Variants in SLC38A6 observed in about 807,000 individuals in gnomAD.
The protein encoded by SLC38A6 is N system amino acid transporter NAT-1.
SLC38A6 carries 73 observed loss-of-function variants against 65.0 expected under a neutral mutation model. The observed-to-expected ratio is 1.12, with a 90% CI of 0.93 to 1.37. The LOEUF (loss-of-function observed/expected upper bound fraction) is 1.37, where lower values mean the gene tolerates loss of function less well. Among genes scored for constraint, SLC38A6 ranks in the 40% most tolerant of loss-of-function variants. The probability of loss-of-function intolerance (pLI) is 0.00; values close to 1 mark genes in which losing one functional copy is unlikely to be tolerated. For missense variants in SLC38A6, 561 were observed against 531.1 expected, an observed-to-expected ratio of 1.06 and a Z score of -0.55; for synonymous variants, 183 against 178.8, an observed-to-expected ratio of 1.02 and a Z score of -0.19.
chr14:61,073,605 C>G (rs1438506687), intron 15 of SLC38A6, among the ~76,000 whole-genome samples: 1 of 152,094 alleles, frequency 6.6e-6, no homozygotes, highest in Non-Finnish European at 1.5e-5. Flanking sequence ...AATGGAAAGG[C>G]TCTCCTCTGT....
At chr14:61,013,587 C>G (rs1015412637) in intron 3 of SLC38A6, among the ~76,000 whole-genome samples, 2 of 152,190 alleles carry the variant, frequency 1.3e-5, no homozygotes, top group East Asian at 3.8e-4. Context: ...CTGGTGATGA[C>G]AAAATCTCTC....
intron 8 of SLC38A6, among the ~76,000 whole-genome samples, chr14:61,041,476 C>T (rs962687086): frequency 2.0e-5 from 3 of 152,118 alleles, no homozygotes; most frequent in Non-Finnish European, 4.4e-5. Flanking sequence ...GATTTGAAAG[C>T]TTAAGAAATA....
At chr14:61,076,772 C>T (rs2043434983) in intron 15 of SLC38A6, among the ~76,000 whole-genome samples, 1 of 152,166 alleles carries the variant, frequency 6.6e-6, no homozygotes, top group Non-Finnish European at 1.5e-5. Flanking sequence ...TGGTTCATTG[C>T]CACAGCACTG....
At position 61,045,378 on chromosome 14, in the gene SLC38A6, A is replaced by G; in HGVS notation, c.777A>G (p.Ser259=). The stretch of plus-strand genomic sequence containing the variant: ...ATGCCTTACCAACCATGGCTTTTTC[A>G]TTTCTCTGCCATACCTCAATATTGC... ...SAYALPTMAF[S]FLCHTSILPI... is the part of the protein sequence containing the mutation. Residue 259 remains serine (S), a synonymous_variant, in exon 11 of 16, where the codon TCA becomes TCG. Coordinates refer to ENST00000267488, the MANE Select transcript of SLC38A6 (RefSeq NM_153811.3). The G allele has an allele frequency of 1.9e-6, 3 of 1,613,590 alleles. No individual in the cohort carries two copies. Among genetic ancestry groups the G allele is most frequent in the Non-Finnish European group, 2.5e-6 (3 of 1,179,802 alleles).
chr14:61,060,942 C>T (rs189448706), intron 15 of SLC38A6, among the ~76,000 whole-genome samples: 5 of 150,480 alleles, frequency 3.3e-5, no homozygotes, highest in South Asian at 4.2e-4. Flanking sequence ...TGACCCCTTG[C>T]GCTTCCCAGG....
intron 15 of SLC38A6, among the ~76,000 whole-genome samples, chr14:61,070,150 C>T (rs1400682961): frequency 6.6e-6 from 1 of 152,164 alleles, no homozygotes; most frequent in Non-Finnish European, 1.5e-5. Context: ...TAGTAGATAC[C>T]TAAAACTTTT....
intron 3 of SLC38A6, among the ~76,000 whole-genome samples, chr14:61,001,870 C>G (rs954584481): frequency 6.6e-6 from 1 of 152,122 alleles, no homozygotes; most frequent in African/African-American, 2.4e-5. Flanking sequence ...CAACTTTAGT[C>G]AGTATCTTTT....
intron 5 of SLC38A6, among the ~76,000 whole-genome samples, chr14:61,025,105 C>T (rs1411299188): frequency 6.6e-6 from 1 of 152,194 alleles, no homozygotes; most frequent in East Asian, 1.9e-4. Context: ...AGAATCCACA[C>T]ACCTTACTCT....
intron 4 of SLC38A6, 52 bp from the exon 5 acceptor site, chr14:61,019,488 TC>T: frequency 6.4e-7 from 1 of 1,559,516 alleles, no homozygotes; most frequent in Non-Finnish European, 8.8e-7. Flanking sequence ...AAAATACTGA[TC>T]CTTTTATATT....
chr14:61,000,612 A>G (rs761630999), intron 3 of SLC38A6, among the ~76,000 whole-genome samples: 1 of 152,198 alleles, frequency 6.6e-6, no homozygotes, highest in Non-Finnish European at 1.5e-5. Flanking sequence ...AGCCTGGGCG[A>G]CAAGAGTGAA....
chr14:61,019,723 T>C, intron 5 of SLC38A6, 143 bp downstream of exon 5: 2 of 742,160 alleles, frequency 2.7e-6, no homozygotes, highest in Non-Finnish European at 4.4e-6. Context: ...CTTTACTCTT[T>C]TTTTTTTTGG....
chr14:60,981,327 C>G lies in SLC38A6; in HGVS notation c.50C>G (p.Ser17Cys), dbSNP rs2036992693. ...SFNAERGWYV[S>C]VQQPEEAEAE... The stretch of plus-strand genomic sequence containing the variant: ...AACGCTGAGCGGGGCTGGTATGTCT[C>G]TGTCCAGCAGCCTGAAGAAGCGGAG... The change falls in exon 1 of 16, where the codon TCT becomes TGT. Residue 17 changes from serine (S) to cysteine (C), a missense_variant. Transcript: ENST00000267488. 6.2e-7 allele frequency: 1 copy of G among 1,611,008 alleles called. No individual in the cohort carries two copies. The highest frequency in any genetic ancestry group is 1.7e-5 in the Admixed American group (1 of 59,666).
At chr14:61,005,434 C>T (rs1158182555) in intron 3 of SLC38A6, among the ~76,000 whole-genome samples, 1 of 142,506 alleles carries the variant, frequency 7.0e-6, no homozygotes, top group Non-Finnish European at 1.6e-5. Flanking sequence ...TAGAAAACCC[C>T]ATTGTCTCAG....
At chr14:61,013,480 T>C (rs1056255994) in intron 3 of SLC38A6, among the ~76,000 whole-genome samples, 1 of 152,182 alleles carries the variant, frequency 6.6e-6, no homozygotes. Context: ...TTCCTAGCCT[T>C]GATGGTCTTC....
intron 3 of SLC38A6, among the ~76,000 whole-genome samples, chr14:61,014,204 G>A (rs984034279): frequency 5.3e-5 from 8 of 152,100 alleles, no homozygotes; most frequent in African/African-American, 1.7e-4. Flanking sequence ...CATTCATCAC[G>A]TAGTTCTCGT....
chr14:61,071,469 C>T (rs1166189903), intron 15 of SLC38A6, among the ~76,000 whole-genome samples: 5 of 151,804 alleles, frequency 3.3e-5, no homozygotes, highest in African/African-American at 7.3e-5. Context: ...ATCACTCGAG[C>T]CCAGAAATTC....
chr14:61,061,691 T>C (rs1274753398), intron 15 of SLC38A6, among the ~76,000 whole-genome samples: 1 of 152,230 alleles, frequency 6.6e-6, no homozygotes, highest in African/African-American at 2.4e-5. Context: ...CTCCTTTCTT[T>C]GTAGCACTGA....
rs923882838 is a variant in SLC38A6, at chr14:61,045,329, T to C, written c.745-17T>C. 6.3e-7 allele frequency: 1 copy of C among 1,592,206 alleles called. No homozygotes were observed. The highest frequency in any genetic ancestry group is 1.3e-5 in the African/African-American group (1 of 74,308). ...GAGTGGCATTTAATAATTTTGTCTC[T>C]TTAAAATTTTTTTCAGAGTGCTTAT... On this transcript the variant is annotated splice_polypyrimidine_tract_variant and intron_variant, in intron 10 of 15. Transcript: ENST00000267488.
At chr14:61,011,989 T>A (rs1273260256) in intron 3 of SLC38A6, among the ~76,000 whole-genome samples, 2 of 152,228 alleles carry the variant, frequency 1.3e-5, no homozygotes, top group Non-Finnish European at 2.9e-5. Flanking sequence ...TCTGGTAAAA[T>A]TCGGCTGTGA....
Sources: gnomAD v4.1 joint callset for allele counts (sites outside exome capture counted in the v4.1 genomes callset) on GRCh38, gnomAD v4.1.1 for gene constraint, MANE v1.5 for transcripts, NCBI Gene and HGNC (gene_info 2026-07-23, HGNC 2026-07-21) for gene names.